The following IPO11 variants were observed in gnomAD, a reference collection of about 807,000 sequenced individuals.
The protein encoded by IPO11 is importin 11.
Under a neutral mutation model 143.2 loss-of-function variants are expected in IPO11, and 66 were observed. The ratio of observed to expected loss-of-function variants is 0.46; its 90% confidence interval spans 0.38 to 0.57. The LOEUF (loss-of-function observed/expected upper bound fraction) is 0.57. Among genes scored for constraint, IPO11 ranks in the 20% least tolerant of loss-of-function variants. The pLI is 0.00. For synonymous variants in IPO11, 385 were observed against 377.8 expected, an observed-to-expected ratio of 1.02 and a Z score of -0.22; for missense variants, 1,026 against 1,141.0, an observed-to-expected ratio of 0.90 and a Z score of 1.45.
At chr5:62,499,672 A>C (rs1250834900) in intron 16 of IPO11, among the ~76,000 whole-genome samples, 1 of 149,078 alleles carries the variant, frequency 6.7e-6, no homozygotes, top group East Asian at 2.0e-4. Flanking sequence ...GCCTCCTGTA[A>C]CTTCTTTAGT....
chr5:62,627,368 C>G lies in IPO11; in HGVS notation c.*50C>G. On this transcript the variant is annotated 3_prime_UTR_variant, in exon 30 of 30. Coordinates refer to ENST00000325324, the MANE Select transcript of IPO11 (RefSeq NM_016338.5). ...CCCTTTCAGAAACAAGCTGAGTAAC[C>G]CAGCCTGCCGTTTGTATGTGAGAGC... The G allele has an allele frequency of 6.4e-7, 1 of 1,558,656 alleles. No homozygotes were observed. Among genetic ancestry groups the G allele is most frequent in the South Asian group, 1.2e-5 (1 of 83,444 alleles).
intron 29 of IPO11, among the ~76,000 whole-genome samples, chr5:62,625,585 T>A (rs1210125774): frequency 6.6e-6 from 1 of 152,216 alleles, no homozygotes; most frequent in Non-Finnish European, 1.5e-5. Flanking sequence ...TCTTAAATGA[T>A]CACATACTTT....
chr5:62,442,695 CA>C (rs796074297), intron 2 of IPO11, among the ~76,000 whole-genome samples: 31 of 146,796 alleles, frequency 2.1e-4, no homozygotes, highest in African/African-American at 5.2e-4. Flanking sequence ...CCTGTCTCTA[CA>C]AAAAAAAAAT....
At chr5:62,455,051 G>C (rs1745079941) in intron 5 of IPO11, among the ~76,000 whole-genome samples, 2 of 152,200 alleles carry the variant, frequency 1.3e-5, no homozygotes, top group Admixed American at 1.3e-4. Context: ...TAATGCGGTT[G>C]AGGTACAAGA....
intron 8 of IPO11, 144 bp downstream of exon 8, chr5:62,474,608 A>G (rs1490728805): frequency 4.7e-6 from 3 of 636,480 alleles, no homozygotes; most frequent in Non-Finnish European, 8.1e-6. Context: ...AATCTAGAGA[A>G]AGTGTCTTGT....
chr5:62,419,116 T>C, intron 1 of IPO11: 2 of 1,549,838 alleles, frequency 1.3e-6, no homozygotes, highest in South Asian at 1.2e-5. Context: ...TGTAAGCAGT[T>C]GTCACAAAAT....
In IPO11 at chr5:62,596,848, G is replaced by C. The variant is rs115850033; in HGVS notation, c.2679-4916G>C. 5.0e-3 allele frequency among the ~76,000 whole-genome samples: 762 copies of C among 152,240 alleles called. 7 individuals carry two copies. Among genetic ancestry groups the C allele is most frequent in the African/African-American group, 0.017 (718 of 41,542 alleles). On this transcript the variant is annotated intron_variant, in intron 28 of 29. Transcript: ENST00000325324. ...TGGGGCTCTATTCTGTGCTGACTCA[G>C]ACACCAGCTTTCTCTCTTGTCTCCC...
chr5:62,589,719 G>T (rs930488876), intron 27 of IPO11, among the ~76,000 whole-genome samples: 1 of 152,160 alleles, frequency 6.6e-6, no homozygotes, highest in Non-Finnish European at 1.5e-5. Flanking sequence ...TAGAGGAGAA[G>T]TCTGTGCCAG....
intron 27 of IPO11, chr5:62,562,220 C>G (rs560350096): frequency 6.6e-6 from 1 of 152,284 alleles, no homozygotes; most frequent in African/African-American, 2.4e-5. Context: ...AGCCATTATG[C>G]TGGGCCCCTA....
intron 29 of IPO11, among the ~76,000 whole-genome samples, chr5:62,620,935 C>T (rs1161998201): frequency 6.6e-6 from 1 of 152,178 alleles, no homozygotes; most frequent in African/African-American, 2.4e-5. Context: ...TTCTGGTTTA[C>T]AATCGAGACT....
chr5:62,442,000 C>T (rs1014891665), intron 2 of IPO11, among the ~76,000 whole-genome samples: 6 of 151,594 alleles, frequency 4.0e-5, no homozygotes, highest in Admixed American at 4.0e-4. Flanking sequence ...CATGCGCCAC[C>T]ATGCCCAGCT....
At chr5:62,552,498 G>GA (rs1743423581) in intron 26 of IPO11, among the ~76,000 whole-genome samples, 1 of 147,792 alleles carries the variant, frequency 6.8e-6, no homozygotes, top group Admixed American at 6.8e-5. Context: ...TTAAAGTAGA[G>GA]ATGAGGTCTT....
At chr5:62,514,033 T>G in intron 19 of IPO11, among the ~76,000 whole-genome samples, 1 of 145,954 alleles carries the variant, frequency 6.9e-6, no homozygotes, top group Non-Finnish European at 1.5e-5. Context: ...CTAGATGGGA[T>G]GGGGGCCGGG....
At chr5:62,430,970 C>T (rs1743965165) in intron 1 of IPO11, among the ~76,000 whole-genome samples, 1 of 151,314 alleles carries the variant, frequency 6.6e-6, no homozygotes, top group African/African-American at 2.4e-5. Flanking sequence ...CCACGTGAGC[C>T]ACCGTGCCTG....
At chr5:62,486,187 A>G (rs1214177102) in intron 12 of IPO11, among the ~76,000 whole-genome samples, 2 of 151,774 alleles carry the variant, frequency 1.3e-5, no homozygotes, top group East Asian at 1.9e-4. Context: ...TCATCTTGTT[A>G]GCCAGGTTGG....
At chr5:62,526,428 G>A in intron 21 of IPO11, 171 bp downstream of exon 21, 1 of 487,906 alleles carries the variant, frequency 2.0e-6, no homozygotes, top group Non-Finnish European at 3.7e-6. Flanking sequence ...AATCAGTGTA[G>A]GATTATAGTA....
chr5:62,584,808 T>C (rs1429325059), intron 27 of IPO11, among the ~76,000 whole-genome samples: 2 of 151,726 alleles, frequency 1.3e-5, no homozygotes, highest in Non-Finnish European at 2.9e-5. Flanking sequence ...GCTGATAAGC[T>C]TGTGTGGCCG....
At chr5:62,509,714 T>C (rs1741680136) in intron 19 of IPO11, among the ~76,000 whole-genome samples, 1 of 152,226 alleles carries the variant, frequency 6.6e-6, no homozygotes, top group Non-Finnish European at 1.5e-5. Context: ...ATTAGACTAT[T>C]TTAGATACCT....
chr5:62,492,908 G>GA lies in IPO11; in HGVS notation c.1464-1080dup, dbSNP rs201073108. 9.1e-4 allele frequency among the ~76,000 whole-genome samples: 134 copies of GA among 147,346 alleles called. 1 individual carries two copies. Among genetic ancestry groups the GA allele is most frequent in the Middle Eastern group, 3.6e-3 (1 of 278 alleles). ...ATCTTTTAAAATTGCAATTTTTTGG[G>GA]AAAAAAAAAAGTGTTTCATTTATAC... On this transcript the variant is annotated intron_variant, in intron 15 of 29. Coordinates refer to ENST00000325324, the MANE Select transcript of IPO11 (RefSeq NM_016338.5).
Sources: gnomAD v4.1 joint callset for allele counts (sites outside exome capture counted in the v4.1 genomes callset) on GRCh38, gnomAD v4.1.1 for gene constraint, MANE v1.5 for transcripts, NCBI Gene and HGNC (gene_info 2026-07-23, HGNC 2026-07-21) for gene names.